Variants in PUDP observed in about 807,000 individuals in gnomAD.
PUDP encodes pseudouridine 5'-phosphatase, also known as pseudouridine-5'-phosphatase.
In PUDP, 8 loss-of-function variants were observed where a neutral mutation model predicts 9.4. The ratio of observed to expected loss-of-function variants is 0.85; its 90% CI spans 0.50 to 1.53. The LOEUF (loss-of-function observed/expected upper bound fraction) is 1.53. Ranked by LOEUF, PUDP falls within the 40% of genes most tolerant of loss-of-function variation. PUDP has a pLI of 0.00. For missense variants in PUDP, 188 were observed against 189.7 expected, an observed-to-expected ratio of 0.99 and a Z score of 0.05; for synonymous variants, 99 against 80.7, an observed-to-expected ratio of 1.23 and a Z score of -1.22.
chrX:6,711,852 C>T lies in PUDP; in HGVS notation n.129-5386G>A, dbSNP rs1924536164. On this transcript the variant is annotated intron_variant and non_coding_transcript_variant, in intron 1 of 2. Transcript: ENST00000438499. ...CTCTCAAAGCCAGGAAGCACTGCTT[C>T]TCCACTGTGTCCAGCTCACAGGGCC... Among the ~76,000 whole-genome samples the T allele has an allele frequency of 2.7e-5, 3 of 112,541 alleles. No individual in the cohort carries two copies. The South Asian group carries it at 1.1e-3, about 41-fold the overall frequency.
At chrX:6,971,815 G>A (rs927112194) in intron 3 of PUDP, among the ~76,000 whole-genome samples, 5 of 111,684 alleles carry the variant, frequency 4.5e-5, no homozygotes, top group Admixed American at 9.5e-5. Context: ...CAGTATGGCC[G>A]TTTTCACGAT....
intron 1 of PUDP, among the ~76,000 whole-genome samples, chrX:7,107,610 C>G (rs1300044292): frequency 8.9e-6 from 1 of 112,183 alleles, no homozygotes; most frequent in African/African-American, 3.2e-5. Flanking sequence ...GAGGACTGCC[C>G]GAGCTCAGTA....
intron 3 of PUDP, among the ~76,000 whole-genome samples, chrX:6,810,450 T>C (rs142080044): frequency 0.02 from 2,237 of 111,798 alleles, 57 homozygotes; most frequent in African/African-American, 0.069. Context: ...TGTGTTACGA[T>C]GCCTCCAATA....
At chrX:7,097,568 C>A in intron 2 of PUDP, among the ~76,000 whole-genome samples, 1 of 111,802 alleles carries the variant, frequency 8.9e-6, no homozygotes, top group East Asian at 2.8e-4. Context: ...CAATATCCTA[C>A]CACGGGTTTT....
At chrX:6,873,066 C>T (rs1190003782) in intron 3 of PUDP, among the ~76,000 whole-genome samples, 3 of 111,693 alleles carry the variant, frequency 2.7e-5, no homozygotes, top group East Asian at 2.8e-4. Context: ...CTCCCAAGCA[C>T]GAGAGAAATC....
exon 2 of PUDP, among the ~76,000 whole-genome samples, chrX:6,978,281 G>A (rs1480378941): frequency 1.8e-5 from 2 of 111,253 alleles, no homozygotes; most frequent in African/African-American, 3.3e-5. Context: ...CTCTTTGATG[G>A]AATCCATGAT....
At chrX:6,792,692 TA>T (rs1443498185) in intron 3 of PUDP, among the ~76,000 whole-genome samples, 2 of 112,382 alleles carry the variant, frequency 1.8e-5, no homozygotes, top group African/African-American at 6.5e-5. Context: ...TTACCAAACC[TA>T]AGCATTAAAA....
In PUDP at chrX:6,985,699, T is replaced by C. The variant is rs760656583; in HGVS notation, c.205-7356A>G. On this transcript the variant is annotated intron_variant and NMD_transcript_variant, in intron 1 of 3. Transcript: ENST00000655425. ...TGTGGAAGCCTGTGTTAGTGAGACCTGGCCTTCCACACGGCCCATCTGGAG... is the reference window on the plus strand; with the variant it reads ...TGTGGAAGCCTGTGTTAGTGAGACCCGGCCTTCCACACGGCCCATCTGGAG... Among the ~76,000 whole-genome samples the C allele has an allele frequency of 6.5e-4, 72 of 111,338 alleles. 1 individual carries two copies. Among genetic ancestry groups the C allele is most frequent in the African/African-American group, 2.3e-3 (70 of 30,632 alleles).
chrX:6,748,673 T>C (rs1035509810), intron 3 of PUDP, among the ~76,000 whole-genome samples: 2 of 112,179 alleles, frequency 1.8e-5, no homozygotes, highest in Non-Finnish European at 3.8e-5. Context: ...CATGCAAGAA[T>C]ATGAACTAAA....
At chrX:6,940,060 C>G (rs1421753888) in intron 3 of PUDP, among the ~76,000 whole-genome samples, 1 of 112,420 alleles carries the variant, frequency 8.9e-6, no homozygotes, top group Non-Finnish European at 1.9e-5. Flanking sequence ...CATTCTGAGA[C>G]AGATATAAGG....
intron 1 of PUDP, among the ~76,000 whole-genome samples, chrX:7,028,829 T>C (rs1929754276): frequency 8.9e-6 from 1 of 111,785 alleles, no homozygotes; most frequent in South Asian, 3.8e-4. Flanking sequence ...CTTGCAGTCC[T>C]GGAGGCTGGA....
chrX:7,107,039 G>C (rs778215091), intron 1 of PUDP, among the ~76,000 whole-genome samples: 3 of 111,471 alleles, frequency 2.7e-5, no homozygotes, highest in South Asian at 3.9e-4. Flanking sequence ...CCCTGAACCC[G>C]AGAGGCTGGA....
chrX:6,856,982 C>A (rs765257509), intron 3 of PUDP, among the ~76,000 whole-genome samples: 1 of 112,268 alleles, frequency 8.9e-6, no homozygotes, highest in Admixed American at 9.4e-5. Flanking sequence ...TTTAAAGTAA[C>A]CATGGCTAGT....
At chrX:6,858,276 A>G (rs904981474) in intron 3 of PUDP, among the ~76,000 whole-genome samples, 1 of 106,398 alleles carries the variant, frequency 9.4e-6, no homozygotes, top group Non-Finnish European at 1.9e-5. Context: ...TGAATTCCCA[A>G]TTCCCTCCCG....
chrX:6,876,441 T>C (rs1009266310), intron 3 of PUDP, among the ~76,000 whole-genome samples: 1 of 111,095 alleles, frequency 9.0e-6, no homozygotes, highest in Non-Finnish European at 1.9e-5. Context: ...TATGCATATA[T>C]GTATACAGTC....
At chrX:6,799,785 G>A (rs936439251) in intron 3 of PUDP, among the ~76,000 whole-genome samples, 13 of 110,197 alleles carry the variant, frequency 1.2e-4, no homozygotes, top group Non-Finnish European at 3.8e-5. Flanking sequence ...GCGGTGAGCC[G>A]AGACCACGCC....
At chrX:7,017,330 C>A (rs1490257891) in intron 1 of PUDP, among the ~76,000 whole-genome samples, 3 of 111,898 alleles carry the variant, frequency 2.7e-5, no homozygotes, top group Non-Finnish European at 5.6e-5. Flanking sequence ...GCTTTAAAGG[C>A]TGTTATGACC....
rs781721332 is a variant in PUDP at position 6,728,289 on chromosome X, G to A, written c.*248-21823C>T. Among the ~76,000 whole-genome samples the A allele has an allele frequency of 9.0e-5, 10 of 111,029 alleles. No homozygotes were observed. The South Asian group carries it at 1.9e-3, about 21-fold the overall frequency. On this transcript the variant is annotated intron_variant and NMD_transcript_variant, in intron 3 of 3. Coordinates refer to the PUDP transcript ENST00000655425. ...TGTAGTTCCAGCACTTTGGGAGGCCGAGGCAGGAGGATCACTTGAGGCCAG... is the reference window on the plus strand; with the variant it reads ...TGTAGTTCCAGCACTTTGGGAGGCCAAGGCAGGAGGATCACTTGAGGCCAG...
chrX:6,919,197 A>C lies in PUDP; in HGVS notation c.*247+57936T>G, dbSNP rs539416395. On this transcript the variant is annotated intron_variant and NMD_transcript_variant, in intron 3 of 3. Transcript: ENST00000655425. ...AGTCTTCAAAGAGTTTGAAATATTT[A>C]TCATATACATTGTACTCTTTTCTTT... Among the ~76,000 whole-genome samples the C allele has an allele frequency of 4.4e-5, 5 of 112,415 alleles. No homozygotes were observed. The East Asian group carries it at 1.1e-3, about 25-fold the overall frequency.
Sources: gnomAD v4.1 joint callset for allele counts (sites outside exome capture counted in the v4.1 genomes callset) on GRCh38, gnomAD v4.1.1 for gene constraint, MANE v1.5 for transcripts, NCBI Gene and HGNC (gene_info 2026-07-23, HGNC 2026-07-21) for gene names.